FGF12: variants seen among roughly 807,000 people sequenced by gnomAD.
FGF12 encodes the protein fibroblast growth factor 12, also known as fibroblast growth factor 12B.
FGF12 carries 14 observed loss-of-function variants against 23.6 expected under a neutral mutation model. That is an observed-to-expected ratio of 0.59 (90% CI 0.39 to 0.93). The LOEUF is 0.93. Among genes scored for constraint, FGF12 ranks in the 40% least tolerant of loss-of-function variants. FGF12 has a pLI of 0.00. For missense variants in FGF12, 175 were observed against 217.8 expected, an observed-to-expected ratio of 0.80 and a Z score of 1.24; for synonymous variants, 62 against 77.3, an observed-to-expected ratio of 0.80 and a Z score of 1.04.
Position 192,462,705 on chromosome 3 carries a change from T to C in FGF12, c.14-102167A>G, listed in dbSNP as rs141159815. On this transcript the variant is annotated intron_variant, in intron 2 of 5. Transcript: ENST00000445105. ...AAGGTTCTTTAATATGACAGTTCAC[T>C]GAGAGGACATTAGGTACAAATGCCC... is the stretch of plus-strand genomic sequence containing the variant. Among the ~76,000 whole-genome samples, 187 of 152,300 alleles carry C rather than the reference T, an allele frequency of 1.2e-3. 1 individual carries two copies. Among genetic ancestry groups the C allele is most frequent in the Non-Finnish European group, 2.1e-3 (145 of 68,016 alleles).
chr3:192,505,573 T>C (rs972233392), intron 2 of FGF12, among the ~76,000 whole-genome samples: 1 of 152,236 alleles, frequency 6.6e-6, no homozygotes, highest in African/African-American at 2.4e-5. Flanking sequence ...ACAGAGATTT[T>C]ACATTTTCAA....
chr3:192,281,201 C>T (rs1714121264), intron 4 of FGF12, among the ~76,000 whole-genome samples: 2 of 152,160 alleles, frequency 1.3e-5, no homozygotes. Context: ...AGGCCATCTT[C>T]CCTCTGAATC....
chr3:192,642,540 A>T (rs773909986), intron 2 of FGF12, among the ~76,000 whole-genome samples: 7 of 152,216 alleles, frequency 4.6e-5, no homozygotes, highest in Non-Finnish European at 8.8e-5. Flanking sequence ...GCCAAAGAAG[A>T]AGTTAGGAAA....
At chr3:192,616,617 G>A (rs1188079951) in intron 2 of FGF12, among the ~76,000 whole-genome samples, 3 of 151,994 alleles carry the variant, frequency 2.0e-5, no homozygotes, top group East Asian at 3.9e-4. Context: ...AAGTAATATG[G>A]GCAGTGATAT....
intron 4 of FGF12, among the ~76,000 whole-genome samples, chr3:192,235,193 T>C (rs752782884): frequency 1.3e-5 from 2 of 152,154 alleles, no homozygotes; most frequent in Non-Finnish European, 2.9e-5. Context: ...AGTTTGTATG[T>C]TGTTTATTAC....
rs540811721 is a variant in FGF12 at position 192,424,901 on chromosome 3, T to C, written c.14-64363A>G. 2.5e-4 allele frequency among the ~76,000 whole-genome samples: 38 copies of C among 152,308 alleles called. 1 individual carries two copies. The highest frequency in any genetic ancestry group is 7.9e-4 in the African/African-American group (33 of 41,572). On this transcript the variant is annotated intron_variant, in intron 2 of 5. Transcript: ENST00000445105. ...TCAGCATTTTATAATTTTATGCATA[T>C]ACAATATACATATGTTTATAAAATA...
At chr3:192,708,191 C>A (rs1344418159) in intron 2 of FGF12, among the ~76,000 whole-genome samples, 3 of 152,044 alleles carry the variant, frequency 2.0e-5, no homozygotes, top group Admixed American at 2.0e-4. Context: ...GATCTCCTGA[C>A]CTCGTGATCC....
chr3:192,435,711 C>T (rs73889329), intron 2 of FGF12, among the ~76,000 whole-genome samples: 4,875 of 152,178 alleles, frequency 0.032, 272 homozygotes, highest in African/African-American at 0.11. Flanking sequence ...AACAGCTTTG[C>T]TTTTCTGATA....
chr3:192,432,420 C>G (rs1023531187), intron 2 of FGF12, among the ~76,000 whole-genome samples: 1 of 152,050 alleles, frequency 6.6e-6, no homozygotes, highest in Non-Finnish European at 1.5e-5. Flanking sequence ...ATATAATCCA[C>G]TCCCCTTCGA....
At chr3:192,512,486 C>T (rs1256235976) in intron 2 of FGF12, among the ~76,000 whole-genome samples, 1 of 152,022 alleles carries the variant, frequency 6.6e-6, no homozygotes, top group Non-Finnish European at 1.5e-5. Flanking sequence ...AAATCTTTAG[C>T]TGCTATTAAT....
At chr3:192,231,368 C>T (rs1158974741) in intron 4 of FGF12, among the ~76,000 whole-genome samples, 1 of 152,120 alleles carries the variant, frequency 6.6e-6, no homozygotes, top group African/African-American at 2.4e-5. Flanking sequence ...TAGAGGTGCT[C>T]TGTAGAACTC....
chr3:192,727,163 A>G lies in FGF12; in HGVS notation c.13+18T>C. The G allele has an allele frequency of 6.3e-7, 1 of 1,575,110 alleles. No individual in the cohort carries two copies. The highest frequency in any genetic ancestry group is 8.6e-7 in the Non-Finnish European group (1 of 1,160,174). On this transcript the variant is annotated intron_variant, in intron 2 of 5. Transcript: ENST00000445105. ...CGCACATGCAGCGGGAAGTCCCCCGATAGGGACAACCACATACCTTTGCTC... is the reference window on the plus strand; with the variant it reads ...CGCACATGCAGCGGGAAGTCCCCCGGTAGGGACAACCACATACCTTTGCTC...
chr3:192,671,354 C>T (rs2108694495), intron 2 of FGF12, among the ~76,000 whole-genome samples: 2 of 152,146 alleles, frequency 1.3e-5, no homozygotes, highest in South Asian at 4.2e-4. Context: ...AGATTATATC[C>T]CATTTACCAT....
intron 4 of FGF12, among the ~76,000 whole-genome samples, chr3:192,225,113 A>G (rs913829290): frequency 1.3e-5 from 2 of 152,076 alleles, no homozygotes; most frequent in African/African-American, 2.4e-5. Context: ...AAAAAGTATC[A>G]TTAGCCACTT....
chr3:192,393,130 G>C (rs1455540388), intron 2 of FGF12, among the ~76,000 whole-genome samples: 2 of 152,096 alleles, frequency 1.3e-5, no homozygotes, highest in Admixed American at 6.5e-5. Flanking sequence ...ACCTTGTTTT[G>C]TTAGGCCTAT....
intron 2 of FGF12, among the ~76,000 whole-genome samples, chr3:192,517,690 G>A (rs530557900): frequency 5.3e-5 from 8 of 152,272 alleles, no homozygotes; most frequent in South Asian, 2.1e-4. Flanking sequence ...TAGTAAGCTC[G>A]TACTTTGTAA....
chr3:192,411,661 G>A (rs918041494), intron 2 of FGF12, among the ~76,000 whole-genome samples: 4 of 152,148 alleles, frequency 2.6e-5, no homozygotes, highest in African/African-American at 9.7e-5. Flanking sequence ...TTGGCTACTA[G>A]AAGACTTGTC....
chr3:192,537,186 C>T (rs1400702428), intron 2 of FGF12, among the ~76,000 whole-genome samples: 1 of 152,146 alleles, frequency 6.6e-6, no homozygotes, highest in African/African-American at 2.4e-5. Flanking sequence ...ACTACATTCT[C>T]TTCATCCATT....
intron 4 of FGF12, among the ~76,000 whole-genome samples, chr3:192,329,966 CTA>C (rs994215237): frequency 2.7e-4 from 41 of 152,062 alleles, no homozygotes; most frequent in Non-Finnish European, 5.9e-5. Flanking sequence ...TTTATTTACT[CTA>C]TTTTTTAAAT....
Sources: gnomAD v4.1 joint callset for allele counts (sites outside exome capture counted in the v4.1 genomes callset) on GRCh38, gnomAD v4.1.1 for gene constraint, MANE v1.5 for transcripts, NCBI Gene and HGNC (gene_info 2026-07-23, HGNC 2026-07-21) for gene names.